TBC1D30: variants seen among roughly 807,000 people sequenced by gnomAD.
The protein encoded by TBC1D30 is TBC1 domain family member 30.
In TBC1D30, 31 loss-of-function variants were observed where a neutral mutation model predicts 63.2. The ratio of observed to expected loss-of-function variants is 0.49; its 90% CI spans 0.37 to 0.66. The LOEUF (loss-of-function observed/expected upper bound fraction) is 0.66. Among genes scored for constraint, TBC1D30 ranks in the 30% least tolerant of loss-of-function variants. TBC1D30 has a pLI of 0.00. For missense variants in TBC1D30, 810 were observed against 953.6 expected (o/e 0.85, Z 1.98); for synonymous variants, 307 against 361.5 (o/e 0.85, Z 1.71).
chr12:64,814,329 G>A (rs1024754441), intron 2 of TBC1D30, among the ~76,000 whole-genome samples: 1 of 152,072 alleles, frequency 6.6e-6, no homozygotes, highest in African/African-American at 2.4e-5. Context: ...TTACAGGTAT[G>A]AGCCACCATG....
intron 1 of TBC1D30, among the ~76,000 whole-genome samples, chr12:64,770,163 A>C (rs1451371369): frequency 6.6e-6 from 1 of 152,200 alleles, no homozygotes; most frequent in Non-Finnish European, 1.5e-5. Context: ...TATATTTCTA[A>C]AGCTGTGGAT....
At chr12:64,849,500 A>C (rs1592634415) in intron 8 of TBC1D30, among the ~76,000 whole-genome samples, 1 of 152,316 alleles carries the variant, frequency 6.6e-6, no homozygotes, top group African/African-American at 2.4e-5. Context: ...GTGACTAGCC[A>C]GTTTTCCCAA....
Position 64,864,764 on chromosome 12 carries a change from C to T in TBC1D30, c.1135C>T (p.Pro379Ser), listed in dbSNP as rs774519995. Residue 379 changes from proline to serine, a missense_variant, in exon 9 of 12, where the codon CCC becomes TCC. Coordinates refer to ENST00000539867, the MANE Select transcript of TBC1D30 (RefSeq NM_015279.2). ...TACACCGTTCCCAGCCACAGTTAAA[C>T]CCACCTCAGTTTCTGGGTAAGGTTT... is the stretch of plus-strand genomic sequence containing the variant. ...NITPFPATVK[P>S]TSVSGRHSKA... 1 of 1,535,566 alleles carries T rather than the reference C, an allele frequency of 6.5e-7. No individual in the cohort carries two copies. The highest frequency in any genetic ancestry group is 1.2e-5 in the South Asian group (1 of 83,966).
intron 2 of TBC1D30, among the ~76,000 whole-genome samples, chr12:64,789,159 C>T (rs1871769244): frequency 6.6e-6 from 1 of 151,120 alleles, no homozygotes; most frequent in Non-Finnish European, 1.5e-5. Flanking sequence ...AGTGACTTTT[C>T]CCCTTCTTCT....
intron 1 of TBC1D30, among the ~76,000 whole-genome samples, chr12:64,827,088 T>C (rs923002616): frequency 6.6e-6 from 1 of 152,178 alleles, no homozygotes; most frequent in Non-Finnish European, 1.5e-5. Context: ...CTTTTGAAAT[T>C]TGTAAAACTT....
chr12:64,802,684 C>G (rs984777619), intron 2 of TBC1D30, among the ~76,000 whole-genome samples: 4 of 151,950 alleles, frequency 2.6e-5, no homozygotes, highest in Non-Finnish European at 4.4e-5. Flanking sequence ...GTGTGATGTT[C>G]CCCATCCTGT....
chr12:64,794,987 A>C (rs1872165287), intron 2 of TBC1D30, among the ~76,000 whole-genome samples: 2 of 152,252 alleles, frequency 1.3e-5, no homozygotes, highest in Non-Finnish European at 2.9e-5. Flanking sequence ...AAGATTATAC[A>C]GGGAGGAAAG....
intron 2 of TBC1D30, among the ~76,000 whole-genome samples, chr12:64,793,327 A>T (rs927331046): frequency 6.6e-6 from 1 of 151,736 alleles, no homozygotes; most frequent in African/African-American, 2.4e-5. Context: ...TGGGTGACAG[A>T]GTGAGATACT....
At chr12:64,798,411 T>A (rs1331583312) in intron 2 of TBC1D30, among the ~76,000 whole-genome samples, 1 of 152,216 alleles carries the variant, frequency 6.6e-6, no homozygotes, top group Non-Finnish European at 1.5e-5. Flanking sequence ...CTGTACCAGG[T>A]TTCAGCTTGA....
intron 1 of TBC1D30, among the ~76,000 whole-genome samples, chr12:64,768,935 T>C (rs1231797418): frequency 1.3e-5 from 2 of 152,060 alleles, no homozygotes; most frequent in South Asian, 2.1e-4. Context: ...GGCAGGCGGA[T>C]TGCCTGAGCT....
At chr12:64,790,144 G>A (rs1871837355) in intron 2 of TBC1D30, among the ~76,000 whole-genome samples, 1 of 152,142 alleles carries the variant, frequency 6.6e-6, no homozygotes, top group Admixed American at 6.5e-5. Context: ...ATACAACTGA[G>A]CAAGAATAAA....
intron 8 of TBC1D30, among the ~76,000 whole-genome samples, chr12:64,854,664 T>G (rs1413485588): frequency 6.6e-6 from 1 of 152,054 alleles, no homozygotes; most frequent in Non-Finnish European, 1.5e-5. Flanking sequence ...CCAACTAATT[T>G]TTTTGTATTG....
At chr12:64,850,820 T>C (rs574820887) in intron 8 of TBC1D30, among the ~76,000 whole-genome samples, 1 of 152,318 alleles carries the variant, frequency 6.6e-6, no homozygotes, top group African/African-American at 2.4e-5. Flanking sequence ...CCTCTTTTTC[T>C]ATTGATTGGA....
Position 64,876,203 on chromosome 12 carries a change from C to T in TBC1D30, c.*415C>T, listed in dbSNP as rs1014007776. The T allele has an allele frequency of 6.0e-6, 1 of 165,362 alleles. No individual in the cohort carries two copies. Among genetic ancestry groups the T allele is most frequent in the Admixed American group, 5.9e-5 (1 of 16,862 alleles). 10.2% of individuals were successfully genotyped at this position (165,362 alleles called of 1,614,324 possible). A position where few individuals can be genotyped will look rare whatever the true frequency, so the allele number is the denominator to read the frequency against. ...ACTCAAGCATGCACATACCAGCTTGCTAGGACAGAAACTGTAAAAAGAAAG... is the reference window on the plus strand; with the variant it reads ...ACTCAAGCATGCACATACCAGCTTGTTAGGACAGAAACTGTAAAAAGAAAG... On this transcript the variant is annotated 3_prime_UTR_variant, in exon 12 of 12. Transcript: ENST00000539867.
At chr12:64,801,494 C>T (rs188050710) in intron 2 of TBC1D30, among the ~76,000 whole-genome samples, 62 of 152,266 alleles carry the variant, frequency 4.1e-4, no homozygotes, top group African/African-American at 1.4e-3. Flanking sequence ...CTATTGAGAT[C>T]GGAGTTTCTT....
intron 1 of TBC1D30, among the ~76,000 whole-genome samples, chr12:64,761,739 G>A (rs887958483): frequency 5.9e-5 from 9 of 152,326 alleles, no homozygotes; most frequent in Non-Finnish European, 1.2e-4. Context: ...AATGGGCAAC[G>A]AGTAGCCCTC....
chr12:64,763,255 C>T (rs1277662613), intron 1 of TBC1D30, among the ~76,000 whole-genome samples: 1 of 152,186 alleles, frequency 6.6e-6, no homozygotes, highest in African/African-American at 2.4e-5. Context: ...ATGTTATCTT[C>T]CTCAATGCTA....
Position 64,875,111 on chromosome 12 carries a change from G to A in TBC1D30, c.1609G>A (p.Ala537Thr). Residue 537 changes from alanine (A) to threonine (T), a missense_variant, in exon 12 of 12, where the codon GCT (alanine) becomes ACT (threonine). Physicochemically the swap from Ala to Thr is moderately conservative, Grantham distance 58. This residue lies in a region of TBC1D30 where 450 missense variants were observed against 473.0 expected (regional missense o/e 0.95). Transcript: ENST00000539867. ...AATGACTAACAGAGCTGCCAAGAAT[G>A]CTGTCATCCACATCCCTGGTCACAC... ...MKMTNRAAKN[A>T]VIHIPGHTGG... 2 of 1,536,498 alleles carry A rather than the reference G, an allele frequency of 1.3e-6. No homozygotes were observed. The highest frequency in any genetic ancestry group is 1.7e-6 in the Non-Finnish European group (2 of 1,146,954).
chr12:64,804,072 T>C (rs983108749), intron 2 of TBC1D30, among the ~76,000 whole-genome samples: 7 of 152,354 alleles, frequency 4.6e-5, no homozygotes, highest in African/African-American at 1.7e-4. Context: ...AATCTATAAA[T>C]TACCTTGGGC....
Sources: allele counts gnomAD v4.1 joint callset (sites outside exome capture counted in the v4.1 genomes callset), GRCh38; gene constraint gnomAD v4.1.1; regional missense constraint gnomAD v4.1.1; transcripts MANE v1.5; gene names NCBI Gene and HGNC (gene_info 2026-07-23, HGNC 2026-07-21).